Variants in PLCXD3 observed in about 807,000 individuals in gnomAD.
PLCXD3 encodes the protein PI-PLC X domain-containing protein 3.
In PLCXD3, 19 loss-of-function variants were observed where a neutral mutation model predicts 25.5. That is an observed-to-expected ratio of 0.75 (90% CI 0.52 to 1.09). The LOEUF (loss-of-function observed/expected upper bound fraction) is 1.09. Among genes scored for constraint, PLCXD3 ranks in the 50% least tolerant of loss-of-function variants. PLCXD3 has a pLI of 0.00. For synonymous variants in PLCXD3, 174 were observed against 137.6 expected, an observed-to-expected ratio of 1.26 and a Z score of -1.85; for missense variants, 411 against 388.1, an observed-to-expected ratio of 1.06 and a Z score of -0.50.
intron 1 of PLCXD3, among the ~76,000 whole-genome samples, chr5:41,396,001 GAAA>G (rs60348556): frequency 1.4e-5 from 2 of 141,310 alleles, no homozygotes; most frequent in Non-Finnish European, 3.1e-5. Flanking sequence ...GCCCATCAAA[GAAA>G]AAAAAAAAAC....
intron 2 of PLCXD3, among the ~76,000 whole-genome samples, chr5:41,329,451 G>C (rs984689152): frequency 6.6e-6 from 1 of 152,116 alleles, no homozygotes; most frequent in Admixed American, 6.6e-5. Flanking sequence ...CAGGCTTTTT[G>C]TTTAGAAACA....
At chr5:41,316,434 A>G (rs1307198153) in intron 2 of PLCXD3, among the ~76,000 whole-genome samples, 1 of 152,074 alleles carries the variant, frequency 6.6e-6, no homozygotes, top group Non-Finnish European at 1.5e-5. Context: ...ATTACTAGCT[A>G]TGGTGGCTGT....
intron 2 of PLCXD3, among the ~76,000 whole-genome samples, chr5:41,373,050 C>CA (rs930683770): frequency 1.3e-5 from 2 of 151,838 alleles, no homozygotes; most frequent in South Asian, 2.1e-4. Flanking sequence ...CAAAACAAAA[C>CA]AAAAAAACAA....
chr5:41,398,429 C>A (rs1439810020), intron 1 of PLCXD3, among the ~76,000 whole-genome samples: 1 of 152,136 alleles, frequency 6.6e-6, no homozygotes, highest in Admixed American at 6.5e-5. Flanking sequence ...GCCATGCTTC[C>A]TGTACAGCCT....
chr5:41,376,537 G>A (rs16871303), intron 2 of PLCXD3, among the ~76,000 whole-genome samples: 1 of 151,712 alleles, frequency 6.6e-6, no homozygotes, highest in Non-Finnish European at 1.5e-5. Context: ...CTCTGTTTCT[G>A]TAACCAACCC....
chr5:41,433,844 C>T (rs1747173411), intron 1 of PLCXD3, among the ~76,000 whole-genome samples: 1 of 152,280 alleles, frequency 6.6e-6, no homozygotes, highest in East Asian at 1.9e-4. Context: ...GAAACAAAAA[C>T]ATAAAATGAC....
chr5:41,382,235 G>A lies in PLCXD3; in HGVS notation c.403C>T (p.His135Tyr). The change falls in exon 2 of 3, where the codon CAC (histidine) becomes TAC (tyrosine). Residue 135 changes from histidine (H) to tyrosine (Y), a missense_variant. His to Tyr is a moderately conservative substitution (Grantham distance 83). Transcript: ENST00000377801. The part of the protein sequence containing the change: ...LEEINAFLTD[H>Y]HKEVVFLDFN... ...TCCAAGAACACTACCTCCTTATGGT[G>A]ATCTGTGAGGAATGCATTGATCTCC... 1 of 1,613,744 alleles carries A rather than the reference G, an allele frequency of 6.2e-7. No individual in the cohort carries two copies. Among genetic ancestry groups the A allele is most frequent in the Non-Finnish European group, 8.5e-7 (1 of 1,179,786 alleles).
intron 1 of PLCXD3, among the ~76,000 whole-genome samples, chr5:41,384,879 T>C (rs1240558511): frequency 6.6e-6 from 1 of 152,078 alleles, no homozygotes; most frequent in Non-Finnish European, 1.5e-5. Context: ...GTATGTGTTT[T>C]GAGCCACATG....
At chr5:41,368,080 T>A (rs1156355103) in intron 2 of PLCXD3, among the ~76,000 whole-genome samples, 1 of 152,244 alleles carries the variant, frequency 6.6e-6, no homozygotes, top group African/African-American at 2.4e-5. Flanking sequence ...TTTTGATTCT[T>A]TATATCCATG....
chr5:41,434,859 T>C, intron 1 of PLCXD3, among the ~76,000 whole-genome samples: 1 of 152,124 alleles, frequency 6.6e-6, no homozygotes, highest in East Asian at 1.9e-4. Flanking sequence ...CTGGCATTAC[T>C]GTGGAGGCAC....
rs1435697044 is a variant in PLCXD3, at chr5:41,308,791, AC to A, written c.*4825del. 1 of 152,188 alleles carries A rather than the reference AC, an allele frequency of 6.6e-6. No homozygotes were observed. Among genetic ancestry groups the A allele is most frequent in the Non-Finnish European group, 1.5e-5 (1 of 68,008 alleles). The allele number at this position is 152,188 out of a possible 1,614,324, so 9.4% of individuals were successfully genotyped here. On this transcript the variant is annotated 3_prime_UTR_variant, in exon 3 of 3. Coordinates refer to ENST00000377801, the MANE Select transcript of PLCXD3 (RefSeq NM_001005473.3). The stretch of plus-strand genomic sequence containing the variant: ...AATGGGTGCCATGTTGGGAAGGTCA[AC>A]TTTAAAGGTGTACTGGTTCTATTGT...
intron 1 of PLCXD3, among the ~76,000 whole-genome samples, chr5:41,491,300 A>T (rs1748663798): frequency 6.6e-6 from 1 of 152,186 alleles, no homozygotes; most frequent in Non-Finnish European, 1.5e-5. Flanking sequence ...TCTGAGAGAT[A>T]GTTTGTTATA....
chr5:41,367,623 G>T (rs1744974639), intron 2 of PLCXD3, among the ~76,000 whole-genome samples: 1 of 152,078 alleles, frequency 6.6e-6, no homozygotes, highest in Non-Finnish European at 1.5e-5. Flanking sequence ...TTCTTTTGCT[G>T]TGCAGAAGCT....
At chr5:41,489,718 T>A (rs1387069975) in intron 1 of PLCXD3, among the ~76,000 whole-genome samples, 1 of 152,188 alleles carries the variant, frequency 6.6e-6, no homozygotes, top group Non-Finnish European at 1.5e-5. Context: ...AGTTCACTCA[T>A]GATTTGGCTC....
Position 41,333,817 on chromosome 5 carries a change from A to G in PLCXD3, c.813-20047T>C, listed in dbSNP as rs76428844. On this transcript the variant is annotated intron_variant, in intron 2 of 2. Coordinates refer to ENST00000377801, the MANE Select transcript of PLCXD3 (RefSeq NM_001005473.3). The stretch of plus-strand genomic sequence containing the variant: ...TTTTCAGAACTAATTTATTATAACT[A>G]TTTAGGTGTAAAACAGAAAGTAATT... Among the ~76,000 whole-genome samples, 572 of 152,246 alleles carry G rather than the reference A, an allele frequency of 3.8e-3. 4 individuals carry two copies. The highest frequency in any genetic ancestry group is 0.013 in the African/African-American group (554 of 41,552).
chr5:41,406,020 T>C (rs1307945045), intron 1 of PLCXD3, among the ~76,000 whole-genome samples: 1 of 152,198 alleles, frequency 6.6e-6, no homozygotes, highest in Non-Finnish European at 1.5e-5. Context: ...TTTATTCTAT[T>C]AAATAAGCAA....
At chr5:41,388,518 CTGCATTGCAGTT>C (rs992266975) in intron 1 of PLCXD3, among the ~76,000 whole-genome samples, 11 of 152,006 alleles carry the variant, frequency 7.2e-5, no homozygotes, top group African/African-American at 2.7e-4. Flanking sequence ...TCAGATTGTG[CTGCATTGCAGTT>C]TGCTGTAATA....
At chr5:41,406,462 T>G (rs141356737) in intron 1 of PLCXD3, among the ~76,000 whole-genome samples, 18 of 152,306 alleles carry the variant, frequency 1.2e-4, no homozygotes, top group Middle Eastern at 3.4e-3. Context: ...TCCTTCTTGT[T>G]TGTCCACTGT....
chr5:41,459,547 C>T (rs1747828619), intron 1 of PLCXD3, among the ~76,000 whole-genome samples: 1 of 151,756 alleles, frequency 6.6e-6, no homozygotes, highest in Non-Finnish European at 1.5e-5. Context: ...TGCTCAAGTC[C>T]CTTTAGGATA....
Sources: allele counts gnomAD v4.1 joint callset (sites outside exome capture counted in the v4.1 genomes callset), GRCh38; gene constraint gnomAD v4.1.1; transcripts MANE v1.5; gene names NCBI Gene and HGNC (gene_info 2026-07-23, HGNC 2026-07-21).